EIF3H: variants seen among roughly 807,000 people sequenced by gnomAD.
EIF3H encodes the protein eukaryotic translation initiation factor 3 subunit H.
A neutral mutation model predicts 44.2 loss-of-function variants in EIF3H; 26 were observed. The ratio of observed to expected loss-of-function variants is 0.59; its 90% confidence interval spans 0.43 to 0.82. The LOEUF is 0.82. Among genes scored for constraint, EIF3H ranks in the 40% least tolerant of loss-of-function variants. EIF3H has a pLI of 0.00. For synonymous variants in EIF3H, 166 were observed against 151.9 expected (o/e 1.09, Z -0.68); for missense variants, 359 against 432.8 (o/e 0.83, Z 1.51).
Position 116,683,534 on chromosome 8 carries a change from T to A in EIF3H, c.290-24554A>T, listed in dbSNP as rs1321380771. Among the ~76,000 whole-genome samples the A allele has an allele frequency of 3.3e-5, 5 of 152,210 alleles. No individual in the cohort carries two copies. In the East Asian group the frequency reaches 9.6e-4, roughly 29 times the overall value. On this transcript the variant is annotated intron_variant, in intron 2 of 7. Coordinates refer to ENST00000521861, the MANE Select transcript of EIF3H (RefSeq NM_003756.3). ...CTATCATCACACTGAGGGTTAGAAATTTGACGTAAGAATTTTAGAGGAATG... is the reference window on the plus strand; with the variant it reads ...CTATCATCACACTGAGGGTTAGAAAATTGACGTAAGAATTTTAGAGGAATG...
chr8:116,654,884 C>T (rs1307979087), intron 5 of EIF3H, among the ~76,000 whole-genome samples: 1 of 149,172 alleles, frequency 6.7e-6, no homozygotes, highest in Non-Finnish European at 1.5e-5. Context: ...TGCCTTATAT[C>T]GAGGAAGTAC....
At chr8:116,704,014 G>A (rs1814427521) in intron 2 of EIF3H, among the ~76,000 whole-genome samples, 1 of 152,162 alleles carries the variant, frequency 6.6e-6, no homozygotes, top group Non-Finnish European at 1.5e-5. Context: ...CGTGGCCTGG[G>A]GGCTGGGGAC....
At chr8:116,727,890 T>G (rs2130930217) in intron 1 of EIF3H, among the ~76,000 whole-genome samples, 1 of 152,256 alleles carries the variant, frequency 6.6e-6, no homozygotes, top group East Asian at 1.9e-4. Context: ...GATTGAAAAT[T>G]TGAGTATGTA....
chr8:116,675,089 C>CT, intron 2 of EIF3H, among the ~76,000 whole-genome samples: 1 of 145,186 alleles, frequency 6.9e-6, no homozygotes. Context: ...TCCTCAAAAA[C>CT]TTTATTGATT....
chr8:116,754,658 T>A (rs2130998053), intron 1 of EIF3H, among the ~76,000 whole-genome samples: 1 of 33,324 alleles, frequency 3.0e-5, no homozygotes, highest in Middle Eastern at 0.019. Context: ...CTGGAAAGGC[T>A]AACTTGCCTT....
chr8:116,676,987 TCTC>T (rs1563639857), intron 2 of EIF3H, among the ~76,000 whole-genome samples: 4 of 152,004 alleles, frequency 2.6e-5, no homozygotes, highest in African/African-American at 9.7e-5. Flanking sequence ...CTGTGATAGC[TCTC>T]CTTATGGTAT....
chr8:116,654,745 G>A (rs1813459520), intron 5 of EIF3H, among the ~76,000 whole-genome samples: 1 of 152,088 alleles, frequency 6.6e-6, no homozygotes, highest in African/African-American at 2.4e-5. Context: ...TCCCTGCCCC[G>A]TTAAGACTTT....
chr8:116,702,188 A>G (rs958566397), intron 2 of EIF3H, among the ~76,000 whole-genome samples: 3 of 152,176 alleles, frequency 2.0e-5, no homozygotes, highest in African/African-American at 2.4e-5. Flanking sequence ...GGGGGTAGAG[A>G]AAACAGAATA....
rs1223836785 is a variant in EIF3H, at chr8:116,726,145, G to T, written c.160C>A (p.Gln54Lys). ...ACTTCAGTTCCTTGTCCTTCTTCTT[G>T]ATAATGTTTGATTATCTTTAATACC... ...LVVLKIIKHYQEEGQGTEVVQ... is the reference protein window; with the variant it reads ...LVVLKIIKHYKEEGQGTEVVQ... The change falls in exon 2 of 8, where the codon CAA (glutamine) becomes AAA (lysine). Residue 54 changes from glutamine to lysine, a missense_variant. This residue lies in a region of EIF3H where 91 missense variants were observed against 164.6 expected (regional missense o/e 0.55). Coordinates refer to ENST00000521861, the MANE Select transcript of EIF3H (RefSeq NM_003756.3). 6.2e-7 allele frequency: 1 copy of T among 1,613,840 alleles called. No homozygotes were observed. Among genetic ancestry groups the T allele is most frequent in the Non-Finnish European group, 8.5e-7 (1 of 1,179,870 alleles).
intron 1 of EIF3H, among the ~76,000 whole-genome samples, chr8:116,741,132 C>G (rs1815125233): frequency 6.6e-6 from 1 of 151,928 alleles, no homozygotes; most frequent in Non-Finnish European, 1.5e-5. Context: ...TCATATTTCA[C>G]CTATTCTCAT....
intron 1 of EIF3H, chr8:116,737,099 C>A: frequency 4.7e-6 from 1 of 211,008 alleles, no homozygotes; most frequent in South Asian, 6.0e-5. Context: ...ATCTCCCTGC[C>A]CAAAAAGACA....
chr8:116,671,471 G>A (rs1028400557), intron 2 of EIF3H, among the ~76,000 whole-genome samples: 2 of 152,138 alleles, frequency 1.3e-5, no homozygotes, highest in African/African-American at 4.8e-5. Flanking sequence ...AAAAGATTAT[G>A]AGGCTCAGTT....
At chr8:116,714,247 AAC>A (rs1294838498) in intron 2 of EIF3H, among the ~76,000 whole-genome samples, 3 of 152,130 alleles carry the variant, frequency 2.0e-5, no homozygotes, top group Non-Finnish European at 4.4e-5. Flanking sequence ...TTTCTTGTTT[AAC>A]AGTTTCTTAA....
chr8:116,758,094 CTA>C (rs1444761052), upstream of EIF3H, among the ~76,000 whole-genome samples: 3 of 152,164 alleles, frequency 2.0e-5, no homozygotes, highest in Non-Finnish European at 4.4e-5. Flanking sequence ...AAAACATGAT[CTA>C]TCCATAGGCT....
intron 2 of EIF3H, among the ~76,000 whole-genome samples, chr8:116,721,797 T>C (rs4304349): frequency 1.3e-5 from 2 of 152,102 alleles, no homozygotes; most frequent in African/African-American, 4.8e-5. Flanking sequence ...CCCTTCATTT[T>C]GGCTCATTCT....
chr8:116,655,677 T>C (rs1445072299), intron 5 of EIF3H, among the ~76,000 whole-genome samples, 179 bp downstream of exon 5: 1 of 152,190 alleles, frequency 6.6e-6, no homozygotes, highest in African/African-American at 2.4e-5. Flanking sequence ...TGTTATCAGT[T>C]TGGCGTTTTT....
rs1447862703 is a variant in EIF3H, at chr8:116,755,688, T to C, written c.110A>G (p.Lys37Arg). The C allele has an allele frequency of 3.7e-6, 6 of 1,614,190 alleles. No homozygotes were observed. The highest frequency in any genetic ancestry group is 5.1e-6 in the Non-Finnish European group (6 of 1,180,026). The change falls in exon 1 of 8, where the codon AAG becomes AGG. Residue 37 changes from lysine (K) to arginine (R), a missense_variant. Physicochemically the swap from Lys to Arg is conservative, Grantham distance 26. This residue lies in a region of EIF3H where 91 missense variants were observed against 164.6 expected (regional missense o/e 0.55). Transcript: ENST00000521861. ...GKGGSGDSAV[K>R]QVQIDGLVVL... is the part of the protein sequence containing the mutation. ...CACAAGGCCATCTATCTGCACTTGC[T>C]TCACGGCTGAATCTCCCGAGCCGCC... is the stretch of plus-strand genomic sequence containing the variant.
chr8:116,750,283 T>G (rs1815307339), intron 1 of EIF3H, among the ~76,000 whole-genome samples: 1 of 152,284 alleles, frequency 6.6e-6, no homozygotes, highest in South Asian at 2.1e-4. Flanking sequence ...GTCACATTTT[T>G]TATTCAATAT....
At chr8:116,701,406 C>G (rs184823095) in intron 2 of EIF3H, among the ~76,000 whole-genome samples, 9 of 152,178 alleles carry the variant, frequency 5.9e-5, no homozygotes, top group African/African-American at 2.2e-4. Context: ...TTTTCATATA[C>G]CTCCAAAAAT....
Sources: allele counts gnomAD v4.1 joint callset (sites outside exome capture counted in the v4.1 genomes callset), GRCh38; gene constraint gnomAD v4.1.1; regional missense constraint gnomAD v4.1.1; transcripts MANE v1.5; gene names NCBI Gene and HGNC (gene_info 2026-07-23, HGNC 2026-07-21).